RBFOX1: variants seen among roughly 807,000 people sequenced by gnomAD.
The protein encoded by RBFOX1 is RNA binding protein fox-1 homolog 1.
Under a neutral mutation model 57.7 loss-of-function variants are expected in RBFOX1, and 8 were observed. The observed-to-expected ratio is 0.14, with a 90% CI of 0.08 to 0.25. The LOEUF (loss-of-function observed/expected upper bound fraction) is 0.25, where lower values mean the gene tolerates loss of function less well. RBFOX1 is among the 10% of genes least tolerant of loss of function. The pLI is 1.00. For synonymous variants in RBFOX1, 326 were observed against 222.4 expected (o/e 1.47, Z -4.15); for missense variants, 611 against 548.5 (o/e 1.11, Z -1.14).
chr16:5,988,212 A>T (rs990172119), intron 4 of RBFOX1, among the ~76,000 whole-genome samples: 8 of 152,226 alleles, frequency 5.3e-5, no homozygotes, highest in Admixed American at 2.0e-4. Flanking sequence ...TTCATCATTT[A>T]ACTCAGGGAA....
chr16:5,908,626 T>G (rs1241900058), intron 4 of RBFOX1, among the ~76,000 whole-genome samples: 1 of 152,046 alleles, frequency 6.6e-6, no homozygotes, highest in Non-Finnish European at 1.5e-5. Context: ...GTGCAGAGAT[T>G]TATTATTAAT....
At chr16:5,709,845 T>TATATATATATA (rs1567430549) in intron 3 of RBFOX1, among the ~76,000 whole-genome samples, 4 of 7,390 alleles carry the variant, frequency 5.4e-4, no homozygotes, top group Non-Finnish European at 4.7e-4. Context: ...ATATATATAT[T>TATATATATATA]TTTTTTTTTT....
intron 4 of RBFOX1, among the ~76,000 whole-genome samples, chr16:7,055,534 G>A (rs1056972978): frequency 1.3e-5 from 2 of 152,106 alleles, no homozygotes; most frequent in African/African-American, 4.8e-5. Context: ...TCATCAGAAG[G>A]AAGGAGAAGA....
At chr16:6,987,564 C>G (rs143631332) in intron 3 of RBFOX1, among the ~76,000 whole-genome samples, 1 of 151,720 alleles carries the variant, frequency 6.6e-6, no homozygotes, top group Admixed American at 6.6e-5. Flanking sequence ...TATACATAAG[C>G]ATAGGTGGGC....
intron 2 of RBFOX1, among the ~76,000 whole-genome samples, chr16:5,588,412 C>G (rs756977343): frequency 2.0e-5 from 3 of 152,116 alleles, no homozygotes; most frequent in Admixed American, 6.5e-5. Context: ...GGCCGAGTCC[C>G]CTTCCTGGTT....
At chr16:6,899,934 A>C (rs1254677823) in intron 3 of RBFOX1, among the ~76,000 whole-genome samples, 1 of 152,166 alleles carries the variant, frequency 6.6e-6, no homozygotes, top group Non-Finnish European at 1.5e-5. Context: ...CATTTGAACT[A>C]TGTTTAGTCT....
intron 2 of RBFOX1, among the ~76,000 whole-genome samples, chr16:5,526,830 T>G (rs947405317): frequency 6.6e-6 from 1 of 151,758 alleles, no homozygotes; most frequent in Non-Finnish European, 1.5e-5. Flanking sequence ...TTATTGTTCA[T>G]AGGAGTTTGA....
chr16:5,394,937 GC>G (rs2151426662), intron 1 of RBFOX1, among the ~76,000 whole-genome samples: 1 of 152,216 alleles, frequency 6.6e-6, no homozygotes, highest in African/African-American at 2.4e-5. Context: ...CTTGTGTCCA[GC>G]CGGCATGATT....
chr16:6,477,684 G>A (rs77971435), intron 2 of RBFOX1, among the ~76,000 whole-genome samples: 4,066 of 152,264 alleles, frequency 0.027, 137 homozygotes, highest in African/African-American at 0.08. Context: ...TAATAAGAGC[G>A]TCAGCTTGTC....
intron 3 of RBFOX1, among the ~76,000 whole-genome samples, chr16:6,714,517 G>A (rs1044972393): frequency 1.3e-5 from 2 of 152,122 alleles, no homozygotes; most frequent in African/African-American, 2.4e-5. Context: ...AAGGGCAGGG[G>A]GCCTGGGGTA....
At chr16:7,142,757 T>G (rs1260583613) in intron 4 of RBFOX1, among the ~76,000 whole-genome samples, 1 of 152,214 alleles carries the variant, frequency 6.6e-6, no homozygotes, top group African/African-American at 2.4e-5. Context: ...GTTTTGTATA[T>G]GACATTCCCA....
intron 3 of RBFOX1, among the ~76,000 whole-genome samples, chr16:6,805,728 C>A (rs2086610533): frequency 6.6e-6 from 1 of 152,100 alleles, no homozygotes; most frequent in Non-Finnish European, 1.5e-5. Context: ...TCACAATGTA[C>A]CCTCCTTTCT....
At chr16:6,922,527 A>C (rs767304703) in intron 3 of RBFOX1, among the ~76,000 whole-genome samples, 1 of 151,358 alleles carries the variant, frequency 6.6e-6, no homozygotes, top group African/African-American at 2.4e-5. Flanking sequence ...AAAATCTTTT[A>C]TTTTCCTGCG....
Position 6,960,963 on chromosome 16 carries a change from A to G in RBFOX1, c.-15-91094A>G, listed in dbSNP as rs549316083. Among the ~76,000 whole-genome samples the G allele has an allele frequency of 1.4e-3, 176 of 124,222 alleles. 1 individual carries two copies. The highest frequency in any genetic ancestry group is 1.9e-3 in the South Asian group (7 of 3,774). 81.5% of individuals were successfully genotyped at this position (124,222 alleles called of 152,430 possible). A position where few individuals can be genotyped will look rare whatever the true frequency, so the allele number is the denominator to read the frequency against. On this transcript the variant is annotated intron_variant, in intron 3 of 15. Coordinates refer to ENST00000550418, the MANE Select transcript of RBFOX1 (RefSeq NM_018723.4). Reference sequence around the variant, plus strand: ...GCCAACGTGATGAAACTCCATCTCTACTGAAAATACAAAAAAAAAAAAAAA... The same window carrying G: ...GCCAACGTGATGAAACTCCATCTCTGCTGAAAATACAAAAAAAAAAAAAAA...
At chr16:6,654,390 C>G (rs973872910) in intron 2 of RBFOX1, among the ~76,000 whole-genome samples, 15 of 152,312 alleles carry the variant, frequency 9.8e-5, no homozygotes, top group Admixed American at 9.1e-4. Context: ...TGTAATAAAA[C>G]TTACTTATGA....
rs566300859 is a variant in RBFOX1 at position 6,922,248 on chromosome 16, A to T, written c.-15-129809A>T. On this transcript the variant is annotated intron_variant, in intron 3 of 15. Transcript: ENST00000550418. The stretch of plus-strand genomic sequence containing the variant: ...AGGCATTGGCATCGATCTCAGAAAG[A>T]CCTGAGCATCCTACATTGATATAAA... Among the ~76,000 whole-genome samples, 26 of 152,184 alleles carry T rather than the reference A, an allele frequency of 1.7e-4. No homozygotes were observed. In the South Asian group the frequency reaches 5.4e-3, roughly 32 times the overall value.
Position 6,358,541 on chromosome 16 carries a change from C to T in RBFOX1, c.-64+41484C>T, listed in dbSNP as rs537773068. 3.9e-5 allele frequency among the ~76,000 whole-genome samples: 6 copies of T among 152,300 alleles called. No homozygotes were observed. The South Asian group carries it at 1.0e-3, about 26-fold the overall frequency. ...AAGAGTCTCATTTTTTCATTATTAA[C>T]AATTTGAATAGATTTCATTTATTGA... On this transcript the variant is annotated intron_variant, in intron 2 of 15. Coordinates refer to ENST00000550418, the MANE Select transcript of RBFOX1 (RefSeq NM_018723.4).
At chr16:7,016,275 G>A (rs1040185548) in intron 3 of RBFOX1, among the ~76,000 whole-genome samples, 4 of 152,034 alleles carry the variant, frequency 2.6e-5, no homozygotes, top group African/African-American at 9.7e-5. Flanking sequence ...GATCTGTCTC[G>A]GACATGTGGT....
chr16:6,983,039 TC>T (rs1403400272), intron 3 of RBFOX1, among the ~76,000 whole-genome samples: 1 of 145,724 alleles, frequency 6.9e-6, no homozygotes, highest in Non-Finnish European at 1.5e-5. Flanking sequence ...GAACTGAGGC[TC>T]GAGCATTTTG....
Sources: gnomAD v4.1 joint callset for allele counts (sites outside exome capture counted in the v4.1 genomes callset) on GRCh38, gnomAD v4.1.1 for gene constraint, MANE v1.5 for transcripts, NCBI Gene and HGNC (gene_info 2026-07-23, HGNC 2026-07-21) for gene names.